MYO5B: variants seen among roughly 807,000 people sequenced by gnomAD.
The protein encoded by MYO5B is myosin VB.
A neutral mutation model predicts 229.3 loss-of-function variants in MYO5B; 143 were observed. The ratio of observed to expected loss-of-function variants is 0.62; its 90% confidence interval spans 0.54 to 0.72. MYO5B has a LOEUF of 0.72. MYO5B is among the 30% of genes least tolerant of loss of function. The pLI is 0.00. For synonymous variants in MYO5B, 918 were observed against 885.2 expected, an observed-to-expected ratio of 1.04 and a Z score of -0.66; for missense variants, 2,321 against 2,331.0, an observed-to-expected ratio of 1.00 and a Z score of 0.09.
intron 1 of MYO5B, among the ~76,000 whole-genome samples, chr18:50,141,713 C>A (rs1056696208): frequency 2.0e-5 from 3 of 152,192 alleles, no homozygotes; most frequent in Non-Finnish European, 4.4e-5. Flanking sequence ...AAAGGCAAGA[C>A]CCCTTTGTGG....
At chr18:49,954,913 T>G (rs976911318) in intron 12 of MYO5B, among the ~76,000 whole-genome samples, 1 of 152,248 alleles carries the variant, frequency 6.6e-6, no homozygotes, top group East Asian at 1.9e-4. Flanking sequence ...TGTCCAGGTT[T>G]GGCTCAAGTC....
At chr18:49,958,061 G>A (rs1474695271) in intron 12 of MYO5B, among the ~76,000 whole-genome samples, 4 of 152,126 alleles carry the variant, frequency 2.6e-5, no homozygotes, top group South Asian at 2.1e-4. Context: ...CCCTCTGCAC[G>A]CTCAGCAAAA....
chr18:50,186,281 A>T (rs982800773), intron 1 of MYO5B, among the ~76,000 whole-genome samples: 1 of 152,180 alleles, frequency 6.6e-6, no homozygotes, highest in Non-Finnish European at 1.5e-5. Context: ...AGTGGTCAAG[A>T]GCAGCTGTTT....
intron 9 of MYO5B, among the ~76,000 whole-genome samples, 183 bp from the exon 10 acceptor site, chr18:49,974,798 G>GACACACACACACACACACACACACAC (rs10680505): frequency 0.035 from 4,568 of 130,958 alleles, 318 homozygotes; most frequent in Admixed American, 0.079. Context: ...CACACACACA[G>GACACACACACACACACACACACACAC]ACACACACAC....
At chr18:49,976,031 G>A (rs576564620) in intron 9 of MYO5B, among the ~76,000 whole-genome samples, 31 of 152,328 alleles carry the variant, frequency 2.0e-4, no homozygotes, top group African/African-American at 6.3e-4. Context: ...CCTGCTCATC[G>A]TTGTTATTCA....
At chr18:50,066,775 C>T (rs2030830452) in intron 1 of MYO5B, among the ~76,000 whole-genome samples, 1 of 152,186 alleles carries the variant, frequency 6.6e-6, no homozygotes, top group African/African-American at 2.4e-5. Context: ...TTCCATCCTG[C>T]TTCTGAGATG....
chr18:50,128,930 G>A (rs2144543852), intron 1 of MYO5B, among the ~76,000 whole-genome samples: 1 of 152,346 alleles, frequency 6.6e-6, no homozygotes, highest in South Asian at 2.1e-4. Flanking sequence ...TGGAAAAGCA[G>A]GCTTTTTATT....
chr18:50,124,257 T>C lies in MYO5B; in HGVS notation c.28-68879A>G, dbSNP rs557633458. Among the ~76,000 whole-genome samples, 3 of 152,378 alleles carry C rather than the reference T, an allele frequency of 2.0e-5. No individual in the cohort carries two copies. In the East Asian group the frequency reaches 5.8e-4, roughly 29 times the overall value. On this transcript the variant is annotated intron_variant, in intron 1 of 39. Coordinates refer to ENST00000285039, the MANE Select transcript of MYO5B (RefSeq NM_001080467.3). The stretch of plus-strand genomic sequence containing the variant: ...TGAACATTTTATTCTCGAAGCTTTA[T>C]AGACTTCGTTATAAAACTGTGAGAT...
chr18:50,018,583 G>A (rs1006818695), intron 4 of MYO5B, among the ~76,000 whole-genome samples: 3 of 152,072 alleles, frequency 2.0e-5, no homozygotes, highest in African/African-American at 7.2e-5. Context: ...TATATCAATT[G>A]ATCATCAGAA....
At chr18:49,990,376 C>T (rs2025916618) in intron 7 of MYO5B, 63 bp downstream of exon 7, 4 of 1,408,272 alleles carry the variant, frequency 2.8e-6, no homozygotes, top group African/African-American at 1.4e-5. Context: ...GCAGAGCCCC[C>T]AGCTGTGCAC....
Position 49,926,858 on chromosome 18 carries a change from T to C in MYO5B, c.2090+2654A>G, listed in dbSNP as rs886189311. On this transcript the variant is annotated intron_variant, in intron 17 of 39. Transcript: ENST00000285039. ...CTCAGCCTTAACAAGGAAGAAAGTT[T>C]TGACACACGCTTCAACATGGATGAA... is the stretch of plus-strand genomic sequence containing the variant. 2.6e-5 allele frequency among the ~76,000 whole-genome samples: 4 copies of C among 152,184 alleles called. No individual in the cohort carries two copies. In the South Asian group the frequency reaches 8.3e-4, roughly 32 times the overall value.
intron 27 of MYO5B, among the ~76,000 whole-genome samples, chr18:49,869,658 G>A (rs2024435919): frequency 2.0e-5 from 3 of 152,208 alleles, no homozygotes; most frequent in Non-Finnish European, 2.9e-5. Context: ...GAGAGGAGGA[G>A]TTTTTGCGCT....
rs564164960 is a variant in MYO5B at position 50,056,712 on chromosome 18, C to CT, written c.28-1335dup. 2.7e-4 allele frequency among the ~76,000 whole-genome samples: 40 copies of CT among 149,800 alleles called. 1 individual carries two copies. The highest frequency in any genetic ancestry group is 8.0e-4 in the Admixed American group (12 of 15,058). Reference sequence around the variant, plus strand: ...CCAGCTGGCTTTACTTTGGTCCTGACTTTTTTTTTCAAAGCAGTGTTTTCC... The same window carrying CT: ...CCAGCTGGCTTTACTTTGGTCCTGACTTTTTTTTTTCAAAGCAGTGTTTTCC... On this transcript the variant is annotated intron_variant, in intron 1 of 39. Coordinates refer to ENST00000285039, the MANE Select transcript of MYO5B (RefSeq NM_001080467.3).
chr18:49,926,525 C>T (rs114903483), intron 17 of MYO5B, among the ~76,000 whole-genome samples: 2,226 of 152,254 alleles, frequency 0.015, 50 homozygotes, highest in African/African-American at 0.05. Context: ...CAATTAATGG[C>T]AGATGTTTGG....
chr18:50,021,399 C>T (rs1460980660), intron 4 of MYO5B, among the ~76,000 whole-genome samples: 9 of 152,268 alleles, frequency 5.9e-5, no homozygotes, highest in South Asian at 4.1e-4. Context: ...CTGCCACTCA[C>T]GAACTCGGTG....
At chr18:49,948,189 G>C (rs2025395424) in intron 14 of MYO5B, among the ~76,000 whole-genome samples, 2 of 152,140 alleles carry the variant, frequency 1.3e-5, no homozygotes, top group Non-Finnish European at 2.9e-5. Flanking sequence ...GTTAAAATAA[G>C]ACATAGTATA....
chr18:49,837,209 C>G (rs1169760488), intron 37 of MYO5B, among the ~76,000 whole-genome samples: 1 of 152,164 alleles, frequency 6.6e-6, no homozygotes, highest in African/African-American at 2.4e-5. Context: ...TCTATGTGAG[C>G]CTTCATGCCT....
chr18:49,827,146 T>C (rs1489835467), intron 39 of MYO5B, among the ~76,000 whole-genome samples: 1 of 152,218 alleles, frequency 6.6e-6, no homozygotes, highest in Non-Finnish European at 1.5e-5. Flanking sequence ...TTGTCAACTA[T>C]CTCATAACTC....
chr18:50,047,044 C>CT (rs2030249035), intron 2 of MYO5B, among the ~76,000 whole-genome samples: 1 of 152,138 alleles, frequency 6.6e-6, no homozygotes, highest in Non-Finnish European at 1.5e-5. Context: ...GACTTCATGT[C>CT]TAAAACACCA....
Sources: gnomAD v4.1 joint callset for allele counts (sites outside exome capture counted in the v4.1 genomes callset) on GRCh38, gnomAD v4.1.1 for gene constraint, MANE v1.5 for transcripts, NCBI Gene and HGNC (gene_info 2026-07-23, HGNC 2026-07-21) for gene names.